Variants in UNC79 observed in about 807,000 individuals in gnomAD.
UNC79 encodes the protein protein unc-79 homolog.
A neutral mutation model predicts 283.1 loss-of-function variants in UNC79; 37 were observed. The observed-to-expected ratio is 0.13, with a 90% CI of 0.10 to 0.17. The LOEUF is 0.17. UNC79 is among the 10% of genes least tolerant of loss of function. UNC79 has a pLI of 1.00. For synonymous variants in UNC79, 1,107 were observed against 1,200.2 expected (o/e 0.92, Z 1.61); for missense variants, 2,272 against 3,211.1 (o/e 0.71, Z 7.07).
At chr14:93,472,311 G>A (rs530031171) in intron 2 of UNC79, among the ~76,000 whole-genome samples, 2 of 152,146 alleles carry the variant, frequency 1.3e-5, no homozygotes, top group Non-Finnish European at 2.9e-5. Context: ...GAATAATTGA[G>A]TCATGTGAGA....
intron 1 of UNC79, among the ~76,000 whole-genome samples, chr14:93,459,518 A>G (rs912805247): frequency 1.4e-4 from 22 of 152,222 alleles, no homozygotes; most frequent in African/African-American, 5.3e-4. Context: ...CTAAATCTGT[A>G]TCACTGAATA....
At chr14:93,608,677 T>C (rs2066067021) in intron 26 of UNC79, among the ~76,000 whole-genome samples, 1 of 152,234 alleles carries the variant, frequency 6.6e-6, no homozygotes. Context: ...AGTAAGCTCA[T>C]GGAGGGATCC....
intron 1 of UNC79, among the ~76,000 whole-genome samples, chr14:93,397,408 C>A (rs2055020479): frequency 6.6e-6 from 1 of 152,180 alleles, no homozygotes; most frequent in African/African-American, 2.4e-5. Flanking sequence ...ATGGCAATTC[C>A]TTTAGGAATA....
intron 13 of UNC79, among the ~76,000 whole-genome samples, chr14:93,541,535 A>C (rs536525235): frequency 2.2e-4 from 33 of 152,288 alleles, no homozygotes; most frequent in Middle Eastern, 3.4e-3. Context: ...TTGGCATTTA[A>C]TTGTTGATTT....
chr14:93,448,885 T>C (rs1446733316), intron 1 of UNC79, among the ~76,000 whole-genome samples: 4 of 152,192 alleles, frequency 2.6e-5, no homozygotes, highest in Admixed American at 2.6e-4. Flanking sequence ...AAAGTAGTTT[T>C]TGGTTTGTTC....
Position 93,540,852 on chromosome 14 carries a change from A to G in UNC79, c.1524+21A>G, listed in dbSNP as rs762860041. The G allele has an allele frequency of 2.5e-6, 4 of 1,610,104 alleles. No individual in the cohort carries two copies. In the South Asian group the frequency reaches 4.4e-5, roughly 18 times the overall value. On this transcript the variant is annotated intron_variant, in intron 13 of 48. Coordinates refer to ENST00000555664, the Ensembl canonical transcript of UNC79. ...TCTTAGTAAGAAAAAGAAGTTAACTATTCTCCACTTTCTTATTTCTCATTT... is the reference window on the plus strand; with the variant it reads ...TCTTAGTAAGAAAAAGAAGTTAACTGTTCTCCACTTTCTTATTTCTCATTT...
At chr14:93,602,427 T>C (rs928129948) in intron 25 of UNC79, among the ~76,000 whole-genome samples, 1 of 152,222 alleles carries the variant, frequency 6.6e-6, no homozygotes, top group African/African-American at 2.4e-5. Flanking sequence ...TTTAGCTTTG[T>C]TTTTGGGTTC....
chr14:93,551,198 C>G (rs569384416), intron 14 of UNC79, among the ~76,000 whole-genome samples: 1 of 152,188 alleles, frequency 6.6e-6, no homozygotes, highest in South Asian at 2.1e-4. Flanking sequence ...TACAGGCGCC[C>G]GTCACTAAGC....
chr14:93,406,946 T>G (rs929604070), intron 1 of UNC79, among the ~76,000 whole-genome samples: 1 of 152,184 alleles, frequency 6.6e-6, no homozygotes, highest in African/African-American at 2.4e-5. Flanking sequence ...CGTCAGCAGA[T>G]GGAAGCCCTA....
chr14:93,413,987 C>T (rs1398641684), intron 1 of UNC79, among the ~76,000 whole-genome samples: 2 of 151,840 alleles, frequency 1.3e-5, no homozygotes, highest in African/African-American at 4.8e-5. Context: ...TGCCTCTTCA[C>T]TCTGATGGTA....
intron 31 of UNC79, 100 bp downstream of exon 34, chr14:93,634,737 A>G: frequency 5.1e-6 from 6 of 1,168,012 alleles, no homozygotes; most frequent in Non-Finnish European, 2.5e-6. Context: ...ATTTTCTCTC[A>G]TGTTCTTTGG....
intron 7 of UNC79, among the ~76,000 whole-genome samples, chr14:93,512,617 C>T (rs1228342876): frequency 6.6e-6 from 1 of 152,106 alleles, no homozygotes; most frequent in African/African-American, 2.4e-5. Context: ...TTCAAGTTCA[C>T]TGATCCTTTC....
chr14:93,662,844 G>A, intron 40 of UNC79, 130 bp downstream of exon 43: 1 of 574,672 alleles, frequency 1.7e-6, no homozygotes, highest in South Asian at 3.0e-5. Context: ...TTCTACTGAG[G>A]TCTAATAAAT....
At chr14:93,433,031 A>C (rs1392738371) in intron 1 of UNC79, among the ~76,000 whole-genome samples, 3 of 152,212 alleles carry the variant, frequency 2.0e-5, no homozygotes, top group Non-Finnish European at 4.4e-5. Flanking sequence ...CGTGTTAGTG[A>C]AACAGATTTT....
rs2066786804 is a variant in UNC79, at chr14:93,617,074, G to A, written c.4042-48G>A. ...TCAAATTTTTCCTTTTGACCTCTGAGTGTTCTTTGTAGTTTTCCATCAGTT... is the reference window on the plus strand; with the variant it reads ...TCAAATTTTTCCTTTTGACCTCTGAATGTTCTTTGTAGTTTTCCATCAGTT... On this transcript the variant is annotated intron_variant, in intron 27 of 48. Coordinates refer to ENST00000555664, the Ensembl canonical transcript of UNC79. This position sits in a 1 kb window ranked among gnomAD's most constrained non-coding sequence, Gnocchi z 4.5. 3.3e-6 allele frequency: 5 copies of A among 1,537,866 alleles called. No individual in the cohort carries two copies. The Admixed American group carries it at 7.5e-5, about 23-fold the overall frequency.
At chr14:93,390,701 C>G (rs1209518009) in intron 1 of UNC79, among the ~76,000 whole-genome samples, 2 of 152,056 alleles carry the variant, frequency 1.3e-5, no homozygotes, top group South Asian at 2.1e-4. Flanking sequence ...AAAAAGCAAC[C>G]ATTTACAGTG....
At chr14:93,626,521 A>AAAC (rs1336855082) in intron 30 of UNC79, among the ~76,000 whole-genome samples, 1 of 152,130 alleles carries the variant, frequency 6.6e-6, no homozygotes, top group East Asian at 1.9e-4. Flanking sequence ...TTTCTTAAAC[A>AAAC]AACAAAAGCA....
chr14:93,577,271 GC>G (rs1384059476), intron 17 of UNC79, among the ~76,000 whole-genome samples: 1 of 152,190 alleles, frequency 6.6e-6, no homozygotes, highest in East Asian at 1.9e-4. Context: ...CAGCAAAGGA[GC>G]CAGAGGAGAC....
chr14:93,686,638 A>G (rs2140891938), exon 43 of UNC79: 1 of 1,614,176 alleles, frequency 6.2e-7, no homozygotes, highest in South Asian at 1.1e-5. Context: ...CATGGCAGAC[A>G]TGCACACGCT....
Sources: allele counts gnomAD v4.1 joint callset (sites outside exome capture counted in the v4.1 genomes callset), GRCh38; gene constraint gnomAD v4.1.1; non-coding constraint Gnocchi (gnomAD v3.1); transcripts MANE v1.5; gene names NCBI Gene and HGNC (gene_info 2026-07-23, HGNC 2026-07-21).